The following ARSJ variants were observed in gnomAD, a reference collection of about 807,000 sequenced individuals.
ARSJ encodes the protein arylsulfatase J.
Under a neutral mutation model 35.9 loss-of-function variants are expected in ARSJ, and 26 were observed. The observed-to-expected ratio is 0.72, with a 90% CI of 0.53 to 1.00. The LOEUF (loss-of-function observed/expected upper bound fraction) is 1.00, where lower values mean the gene tolerates loss of function less well. ARSJ is among the 50% of genes least tolerant of loss of function. The pLI, the probability that ARSJ is intolerant of heterozygous loss-of-function variation, is 0.00. For missense variants in ARSJ, 667 were observed against 723.6 expected (o/e 0.92, Z 0.90); for synonymous variants, 294 against 267.6 (o/e 1.10, Z -0.96).
At chr4:113,919,672 A>G (rs1562342198) in intron 1 of ARSJ, among the ~76,000 whole-genome samples, 1 of 152,116 alleles carries the variant, frequency 6.6e-6, no homozygotes, top group Non-Finnish European at 1.5e-5. Context: ...GGGAAGGGGC[A>G]GTGTGTGAGG....
chr4:113,906,695 C>T (rs909313110), intron 1 of ARSJ: 3 of 455,376 alleles, frequency 6.6e-6, no homozygotes, highest in African/African-American at 2.0e-5. Flanking sequence ...CTGCTTATTA[C>T]CTGTATGGTT....
intron 1 of ARSJ, among the ~76,000 whole-genome samples, chr4:113,974,528 C>T (rs1727474215): frequency 6.6e-6 from 1 of 152,068 alleles, no homozygotes; most frequent in Non-Finnish European, 1.5e-5. Flanking sequence ...ATAAATACTT[C>T]TTTAAAGGGG....
intron 1 of ARSJ, among the ~76,000 whole-genome samples, chr4:113,955,137 G>T (rs1726096523): frequency 6.6e-6 from 1 of 151,602 alleles, no homozygotes; most frequent in Admixed American, 6.6e-5. Flanking sequence ...AGAAGATAAT[G>T]AAAGGGTAGA....
chr4:113,958,788 A>G (rs375819920), intron 1 of ARSJ, among the ~76,000 whole-genome samples: 6 of 151,950 alleles, frequency 3.9e-5, no homozygotes, highest in East Asian at 3.9e-4. Context: ...TTAATCTTCT[A>G]CTTTCCACTA....
At chr4:113,952,569 T>C (rs368471030) in intron 1 of ARSJ, among the ~76,000 whole-genome samples, 1 of 152,064 alleles carries the variant, frequency 6.6e-6, no homozygotes, top group African/African-American at 2.4e-5. Flanking sequence ...TGTTAACCCA[T>C]GAAACCAAGC....
intron 1 of ARSJ, among the ~76,000 whole-genome samples, chr4:113,920,299 T>C (rs1463140461): frequency 6.6e-6 from 1 of 152,172 alleles, no homozygotes; most frequent in Non-Finnish European, 1.5e-5. Context: ...TAGGTACAGA[T>C]GAGCAGACTT....
chr4:113,979,100 C>CA lies in ARSJ; in HGVS notation c.-267dup. 1 of 327,284 alleles carries CA rather than the reference C, an allele frequency of 3.1e-6. No homozygotes were observed. Among genetic ancestry groups the CA allele is most frequent in the East Asian group, 4.2e-5 (1 of 23,718 alleles). The allele number at this position is 327,284 out of a possible 1,614,324, so 20.3% of individuals were successfully genotyped here. A position where few individuals can be genotyped will look rare whatever the true frequency, so the allele number is the denominator to read the frequency against. On this transcript the variant is annotated 5_prime_UTR_variant, in exon 1 of 2. Coordinates refer to ENST00000315366, the MANE Select transcript of ARSJ (RefSeq NM_024590.4). Reference sequence around the variant, plus strand: ...CCCCCCTCCCTAGAGCAGCTTCCACCAAGGAAAAAAAAAAGAAAAAAGTTA... The same window carrying CA: ...CCCCCCTCCCTAGAGCAGCTTCCACCAAAGGAAAAAAAAAAGAAAAAAGTTA...
At chr4:113,931,111 C>T (rs1724418035) in intron 1 of ARSJ, among the ~76,000 whole-genome samples, 1 of 151,310 alleles carries the variant, frequency 6.6e-6, no homozygotes, top group East Asian at 1.9e-4. Flanking sequence ...ACCAGCATGG[C>T]ACATGTATAC....
intron 1 of ARSJ, among the ~76,000 whole-genome samples, chr4:113,935,683 G>C (rs922437762): frequency 2.0e-5 from 3 of 151,884 alleles, no homozygotes; most frequent in African/African-American, 7.2e-5. Context: ...AATGCATTTT[G>C]TGTATATGTA....
In ARSJ at chr4:113,903,191, C is replaced by A. The variant is rs772255905; in HGVS notation, c.883G>T (p.Ala295Ser). 27 of 1,614,044 alleles carry A rather than the reference C, an allele frequency of 1.7e-5. No homozygotes were observed. The highest frequency in any genetic ancestry group is 2.3e-5 in the Non-Finnish European group (27 of 1,180,016). The change falls in exon 2 of 2, where the codon GCC becomes TCC. Residue 295 changes from alanine to serine, a missense_variant. Transcript: ENST00000315366. ...IININRRRYA[A>S]MLSCLDEAIN... is the part of the protein sequence containing the mutation. The stretch of plus-strand genomic sequence containing the variant: ...GCTTCATCTAAGCAGGAAAGCATGG[C>A]AGCATATCTCCTCCTGTTTATGTTG...
At chr4:113,956,743 T>C (rs1440244099) in intron 1 of ARSJ, among the ~76,000 whole-genome samples, 1 of 152,006 alleles carries the variant, frequency 6.6e-6, no homozygotes, top group Non-Finnish European at 1.5e-5. Context: ...GAGATTAAGT[T>C]CATGCAATGG....
At chr4:113,963,805 C>T (rs113202516) in intron 1 of ARSJ, among the ~76,000 whole-genome samples, 1 of 151,976 alleles carries the variant, frequency 6.6e-6, no homozygotes. Flanking sequence ...ACAAATTAGC[C>T]GATGAATAGT....
intron 1 of ARSJ, among the ~76,000 whole-genome samples, chr4:113,912,357 G>A (rs1006414373): frequency 4.6e-5 from 7 of 152,146 alleles, no homozygotes; most frequent in African/African-American, 1.7e-4. Flanking sequence ...AGCATCAACT[G>A]GATTTGGCAA....
rs139225497 is a variant in ARSJ, at chr4:113,961,626, G to C, written c.398+16811C>G. 3.5e-3 allele frequency among the ~76,000 whole-genome samples: 527 copies of C among 152,172 alleles called. 4 individuals carry two copies. The highest frequency in any genetic ancestry group is 0.012 in the African/African-American group (503 of 41,534). On this transcript the variant is annotated intron_variant, in intron 1 of 1. Coordinates refer to ENST00000315366, the MANE Select transcript of ARSJ (RefSeq NM_024590.4). The stretch of plus-strand genomic sequence containing the variant: ...CTTTGCTTTTGGAGAACAAAAAGAA[G>C]AGATCACCAATGTGGAAAAGTTGTA...
At position 113,938,265 on chromosome 4, in the gene ARSJ, C is replaced by G. The variant is rs375928830; in HGVS notation, c.399-34590G>C. On this transcript the variant is annotated intron_variant, in intron 1 of 1. Transcript: ENST00000315366. ...TACAACCATCTGATCTTCAAAAAACCTGACAAAAACAAGCAATGGGAAAAA... is the reference window on the plus strand; with the variant it reads ...TACAACCATCTGATCTTCAAAAAACGTGACAAAAACAAGCAATGGGAAAAA... Among the ~76,000 whole-genome samples the G allele has an allele frequency of 1.3e-3, 191 of 152,124 alleles. 1 individual carries two copies. Among genetic ancestry groups the G allele is most frequent in the South Asian group, 0.011 (51 of 4,822 alleles).
intron 1 of ARSJ, among the ~76,000 whole-genome samples, chr4:113,968,325 G>T (rs1051029867): frequency 1.3e-5 from 2 of 152,090 alleles, no homozygotes; most frequent in Non-Finnish European, 2.9e-5. Flanking sequence ...ACTATATGAA[G>T]TTTATAATTT....
At chr4:113,966,556 T>C (rs562355070) in intron 1 of ARSJ, among the ~76,000 whole-genome samples, 3 of 152,260 alleles carry the variant, frequency 2.0e-5, no homozygotes, top group Admixed American at 1.3e-4. Flanking sequence ...TTGCTTCTAA[T>C]TCTCAATGGA....
chr4:113,952,726 T>C (rs1313015163), intron 1 of ARSJ, among the ~76,000 whole-genome samples: 1 of 152,050 alleles, frequency 6.6e-6, no homozygotes, highest in African/African-American at 2.4e-5. Context: ...GCTAAACCTC[T>C]GTAGAAGAGG....
intron 1 of ARSJ, among the ~76,000 whole-genome samples, chr4:113,974,498 A>G (rs1270927106): frequency 3.3e-5 from 5 of 152,154 alleles, no homozygotes; most frequent in African/African-American, 1.2e-4. Context: ...ATCTAAAGAG[A>G]AATTAGGCAA....
Sources: allele counts gnomAD v4.1 joint callset (sites outside exome capture counted in the v4.1 genomes callset), GRCh38; gene constraint gnomAD v4.1.1; transcripts MANE v1.5; gene names NCBI Gene and HGNC (gene_info 2026-07-23, HGNC 2026-07-21).